ST6GALNAC3: variants seen among roughly 807,000 people sequenced by gnomAD.
The protein encoded by ST6GALNAC3 is alpha-N-acetylgalactosaminide alpha-2,6-sialyltransferase 3.
Under a neutral mutation model 32.7 loss-of-function variants are expected in ST6GALNAC3, and 25 were observed. The ratio of observed to expected loss-of-function variants is 0.76; its 90% CI spans 0.56 to 1.07. The LOEUF (loss-of-function observed/expected upper bound fraction) is 1.07. ST6GALNAC3 is among the 50% of genes least tolerant of loss of function. The pLI, the probability that ST6GALNAC3 is intolerant of heterozygous loss-of-function variation, is 0.00. For synonymous variants in ST6GALNAC3, 129 were observed against 133.1 expected (o/e 0.97, Z 0.21); for missense variants, 355 against 382.4 (o/e 0.93, Z 0.60).
intron 3 of ST6GALNAC3, among the ~76,000 whole-genome samples, chr1:76,498,239 TC>T (rs1360244012): frequency 6.6e-6 from 1 of 152,196 alleles, no homozygotes; most frequent in East Asian, 1.9e-4. Context: ...TTGTCAGAGA[TC>T]CTTTCATATT....
At chr1:76,345,844 C>T (rs943856854) in intron 2 of ST6GALNAC3, among the ~76,000 whole-genome samples, 1 of 152,060 alleles carries the variant, frequency 6.6e-6, no homozygotes, top group Non-Finnish European at 1.5e-5. Context: ...GGTCTCCTTG[C>T]TATTTTTGAT....
At chr1:76,539,821 T>G (rs4636520) in intron 3 of ST6GALNAC3, among the ~76,000 whole-genome samples, 101,122 of 151,986 alleles carry the variant, frequency 0.67, 35,176 homozygotes, top group Non-Finnish European at 0.77. Context: ...ATCTCACATC[T>G]GTCAGAATGG....
chr1:76,309,830 T>C (rs954264630), intron 1 of ST6GALNAC3: 2 of 398,652 alleles, frequency 5.0e-6, no homozygotes, highest in African/African-American at 4.2e-5. Flanking sequence ...GGTTGCTCCC[T>C]TCACCCTCTC....
intron 1 of ST6GALNAC3, among the ~76,000 whole-genome samples, chr1:76,157,745 C>A (rs1212521252): frequency 6.6e-6 from 1 of 152,154 alleles, no homozygotes; most frequent in Non-Finnish European, 1.5e-5. Flanking sequence ...CCCACCATTA[C>A]AGTAATGTAC....
At chr1:76,325,792 A>AAT (rs146320172) in intron 2 of ST6GALNAC3, among the ~76,000 whole-genome samples, 6,944 of 147,750 alleles carry the variant, frequency 0.047, 206 homozygotes, top group African/African-American at 0.086. Context: ...CATACACACA[A>AAT]ATATATATAT....
intron 1 of ST6GALNAC3, among the ~76,000 whole-genome samples, chr1:76,199,309 C>A (rs890694155): frequency 2.6e-5 from 4 of 152,196 alleles, no homozygotes; most frequent in Admixed American, 2.0e-4. Flanking sequence ...GGCCAGACTG[C>A]TGAATTCTGT....
chr1:76,378,416 C>G (rs1027712044), intron 2 of ST6GALNAC3, among the ~76,000 whole-genome samples: 5 of 152,098 alleles, frequency 3.3e-5, no homozygotes, highest in Non-Finnish European at 7.3e-5. Context: ...AATCCCAGCA[C>G]TTTGGGAGGC....
intron 2 of ST6GALNAC3, among the ~76,000 whole-genome samples, chr1:76,382,865 A>G (rs1294639957): frequency 1.3e-5 from 2 of 152,212 alleles, no homozygotes; most frequent in Non-Finnish European, 2.9e-5. Context: ...TTGGCTAAGA[A>G]TCTTTCAAAA....
intron 2 of ST6GALNAC3, among the ~76,000 whole-genome samples, chr1:76,371,194 A>T (rs953214974): frequency 1.3e-5 from 2 of 152,206 alleles, no homozygotes; most frequent in Non-Finnish European, 2.9e-5. Flanking sequence ...ATTGAGTGCC[A>T]AAAAGGATCT....
rs189682858 is a variant in ST6GALNAC3 at position 76,602,181 on chromosome 1, A to G, written c.624-25271A>G. On this transcript the variant is annotated intron_variant, in intron 3 of 4. Transcript: ENST00000328299. ...CAGCTTGGTTAAGGATTGCATGTAC[A>G]CATAGGAATGAGTTTCAGTGTGCAA... Among the ~76,000 whole-genome samples, 4 of 152,302 alleles carry G rather than the reference A, an allele frequency of 2.6e-5. No homozygotes were observed. The East Asian group carries it at 7.7e-4, about 29-fold the overall frequency.
intron 1 of ST6GALNAC3, among the ~76,000 whole-genome samples, chr1:76,311,173 G>A (rs769007943): frequency 1.4e-4 from 21 of 152,148 alleles, no homozygotes; most frequent in Middle Eastern, 3.4e-3. Flanking sequence ...AATTGGGATA[G>A]CCTCCTAACT....
At chr1:76,591,062 C>T (rs1243670515) in intron 3 of ST6GALNAC3, among the ~76,000 whole-genome samples, 12 of 152,074 alleles carry the variant, frequency 7.9e-5, no homozygotes, top group Non-Finnish European at 2.9e-5. Context: ...ATTTGATGCT[C>T]TAAGAATACA....
intron 1 of ST6GALNAC3, chr1:76,307,893 A>G (rs1262356094): frequency 1.9e-6 from 1 of 516,200 alleles, no homozygotes; most frequent in Non-Finnish European, 3.9e-6. Context: ...TGGAATAGGT[A>G]TTTCTCCTAT....
At position 76,617,131 on chromosome 1, in the gene ST6GALNAC3, G is replaced by A. The variant is rs1000062935; in HGVS notation, c.624-10321G>A. The stretch of plus-strand genomic sequence containing the variant: ...CAGTTGCTTAAAAGTTATTTTAAAT[G>A]TAAATTTTCATTTTGAAAGCAAACA... On this transcript the variant is annotated intron_variant, in intron 3 of 4. Transcript: ENST00000328299. Among the ~76,000 whole-genome samples the A allele has an allele frequency of 4.6e-5, 7 of 152,226 alleles. No individual in the cohort carries two copies. In the South Asian group the frequency reaches 1.0e-3, roughly 23 times the overall value.
intron 1 of ST6GALNAC3, among the ~76,000 whole-genome samples, chr1:76,095,813 C>G (rs1020279939): frequency 6.6e-6 from 1 of 152,126 alleles, no homozygotes; most frequent in Non-Finnish European, 1.5e-5. Flanking sequence ...TCCCTCATCT[C>G]CACTCCCTCC....
At chr1:76,493,433 T>G (rs1271513949) in intron 3 of ST6GALNAC3, among the ~76,000 whole-genome samples, 1 of 152,204 alleles carries the variant, frequency 6.6e-6, no homozygotes, top group East Asian at 1.9e-4. Flanking sequence ...TATAATACCT[T>G]CGCCTCTAGT....
At chr1:76,153,277 C>G (rs528692458) in intron 1 of ST6GALNAC3, among the ~76,000 whole-genome samples, 1 of 152,102 alleles carries the variant, frequency 6.6e-6, no homozygotes, top group Non-Finnish European at 1.5e-5. Context: ...TGAAGTTGCC[C>G]GTTCTTGAAG....
intron 1 of ST6GALNAC3, among the ~76,000 whole-genome samples, chr1:76,148,374 T>C (rs1327105092): frequency 6.6e-6 from 1 of 152,220 alleles, no homozygotes; most frequent in Non-Finnish European, 1.5e-5. Flanking sequence ...TAGGAAGGTT[T>C]CCGGGGCTAT....
chr1:76,431,631 GC>G lies in ST6GALNAC3; in HGVS notation c.623+19215del, dbSNP rs202049195. Among the ~76,000 whole-genome samples, 435 of 152,236 alleles carry G rather than the reference GC, an allele frequency of 2.9e-3. 5 individuals carry two copies. Among genetic ancestry groups the G allele is most frequent in the African/African-American group, 9.9e-3 (413 of 41,548 alleles). ...GCTGGTTCTCCTCTATGTAGAAAGA[GC>G]TACAAATGAAATGGAACATGGGAAT... is the stretch of plus-strand genomic sequence containing the variant. On this transcript the variant is annotated intron_variant, in intron 3 of 4. Coordinates refer to ENST00000328299, the MANE Select transcript of ST6GALNAC3 (RefSeq NM_152996.4).
Sources: gnomAD v4.1 joint callset for allele counts (sites outside exome capture counted in the v4.1 genomes callset) on GRCh38, gnomAD v4.1.1 for gene constraint, MANE v1.5 for transcripts, NCBI Gene and HGNC (gene_info 2026-07-23, HGNC 2026-07-21) for gene names.